Variants in KIF9 observed in about 807,000 individuals in gnomAD.
KIF9 encodes the protein kinesin family member 9.
A neutral mutation model predicts 94.8 loss-of-function variants in KIF9; 68 were observed. That is an observed-to-expected ratio of 0.72 (90% CI 0.59 to 0.88). KIF9 has a LOEUF of 0.88. Ranked by LOEUF, KIF9 falls within the 40% of genes least tolerant of loss-of-function variation. KIF9 has a pLI of 0.00. For missense variants in KIF9, 882 were observed against 982.5 expected (o/e 0.90, Z 1.37); for synonymous variants, 343 against 362.1 (o/e 0.95, Z 0.60).
intron 9 of KIF9, 138 bp from the exon 10 acceptor site, chr3:47,257,698 CA>C: frequency 1.5e-6 from 1 of 686,330 alleles, no homozygotes; most frequent in Non-Finnish European, 2.5e-6. Flanking sequence ...TCCCTTCCCC[CA>C]GAGGACATTG....
At chr3:47,233,361 C>CAA (rs966425803) in intron 20 of KIF9, among the ~76,000 whole-genome samples, 124 of 25,498 alleles carry the variant, frequency 4.9e-3, no homozygotes, top group Non-Finnish European at 6.6e-3. Flanking sequence ...GACTCTGTCT[C>CAA]AAAAAAAAAA....
intron 10 of KIF9, chr3:47,250,557 G>A: frequency 2.0e-6 from 1 of 490,954 alleles, no homozygotes; most frequent in South Asian, 1.5e-5. Flanking sequence ...TCGTAACAAG[G>A]TTCAAGGGTG....
At chr3:47,270,075 T>C (rs1226814490) in intron 5 of KIF9, among the ~76,000 whole-genome samples, 1 of 151,586 alleles carries the variant, frequency 6.6e-6, no homozygotes, top group African/African-American at 2.4e-5. Flanking sequence ...GCCTAATTTT[T>C]GTATTGTTAG....
chr3:47,277,438 G>A (rs1702053783), intron 1 of KIF9, 59 bp from the exon 2 acceptor site: 3 of 1,119,784 alleles, frequency 2.7e-6, no homozygotes, highest in Non-Finnish European at 4.1e-6. Flanking sequence ...AAGTAGAGGA[G>A]AGGGGTCATT....
intron 4 of KIF9, 67 bp from the exon 5 acceptor site, chr3:47,271,528 C>T (rs1016732344): frequency 1.4e-5 from 16 of 1,119,598 alleles, no homozygotes; most frequent in Non-Finnish European, 2.0e-5. Context: ...ATAAGGGGGG[C>T]TTCCTAACTC....
intron 10 of KIF9, among the ~76,000 whole-genome samples, chr3:47,256,342 G>T (rs1188941835): frequency 7.9e-6 from 1 of 127,076 alleles, no homozygotes; most frequent in Non-Finnish European, 1.8e-5. Context: ...CGCCCCATCT[G>T]AGAAGTGAGG....
intron 20 of KIF9, among the ~76,000 whole-genome samples, chr3:47,234,109 G>A (rs1698829200): frequency 6.6e-6 from 1 of 152,074 alleles, no homozygotes; most frequent in African/African-American, 2.4e-5. Context: ...AAGAAAGAGA[G>A]AAAACTGAGG....
At chr3:47,275,206 T>A in intron 3 of KIF9, 119 bp downstream of exon 3, 2 of 796,168 alleles carry the variant, frequency 2.5e-6, no homozygotes, top group Non-Finnish European at 3.9e-6. Flanking sequence ...CGTAAGAACA[T>A]GGAGACAGAC....
At chr3:47,271,823 A>G (rs1701665368) in intron 4 of KIF9, among the ~76,000 whole-genome samples, 1 of 152,112 alleles carries the variant, frequency 6.6e-6, no homozygotes, top group Non-Finnish European at 1.5e-5. Context: ...AGGCACTACA[A>G]AATAAAATTA....
At chr3:47,248,351 C>G (rs962294694) in intron 10 of KIF9, 3 of 458,260 alleles carry the variant, frequency 6.5e-6, no homozygotes, top group East Asian at 3.9e-5. Context: ...ACAAGCCACA[C>G]AGCCACCTCA....
intron 9 of KIF9, 144 bp downstream of exon 9, chr3:47,264,142 T>C: frequency 1.5e-6 from 1 of 673,078 alleles, no homozygotes; most frequent in Non-Finnish European, 2.7e-6. Flanking sequence ...CCTCAGCAAC[T>C]GTGGCTCAGA....
At chr3:47,255,951 G>C (rs183293481) in intron 10 of KIF9, among the ~76,000 whole-genome samples, 1 of 152,202 alleles carries the variant, frequency 6.6e-6, no homozygotes, top group Non-Finnish European at 1.5e-5. Context: ...TGGTGGAGAC[G>C]GGGTTTCGCT....
At chr3:47,280,145 A>G (rs1444198513) in intron 1 of KIF9, among the ~76,000 whole-genome samples, 2 of 151,902 alleles carry the variant, frequency 1.3e-5, no homozygotes, top group Admixed American at 1.3e-4. Context: ...TTTTGTAGAG[A>G]TGGGGTTTCA....
chr3:47,255,689 T>G (rs1700528337), intron 10 of KIF9, among the ~76,000 whole-genome samples: 1 of 152,066 alleles, frequency 6.6e-6, no homozygotes, highest in African/African-American at 2.4e-5. Flanking sequence ...GATGCCCTTT[T>G]TCTTTTCTTT....
At chr3:47,267,397 CCT>C (rs1368675871) in intron 5 of KIF9, 134 bp from the exon 6 acceptor site, 5 of 699,876 alleles carry the variant, frequency 7.1e-6, no homozygotes, top group African/African-American at 1.8e-5. Context: ...TCCAGGCAAA[CCT>C]CTTTTATAAA....
chr3:47,254,417 C>G (rs1700446536), intron 10 of KIF9, among the ~76,000 whole-genome samples: 1 of 152,168 alleles, frequency 6.6e-6, no homozygotes, highest in Non-Finnish European at 1.5e-5. Flanking sequence ...GAGATCGCAC[C>G]ACTGCACTCC....
At chr3:47,238,661 T>A (rs956098022) in intron 17 of KIF9, 2 of 152,070 alleles carry the variant, frequency 1.3e-5, no homozygotes, top group African/African-American at 2.4e-5. Flanking sequence ...ACTGATAAAT[T>A]TTTTTTGTTT....
intron 10 of KIF9, chr3:47,250,513 T>C (rs539391099): frequency 6.1e-5 from 27 of 439,252 alleles, no homozygotes; most frequent in African/African-American, 5.0e-4. Flanking sequence ...AAATGATACT[T>C]TTTTTTTCAG....
chr3:47,270,263 T>C (rs963860473), intron 5 of KIF9, among the ~76,000 whole-genome samples: 6 of 151,666 alleles, frequency 4.0e-5, no homozygotes, highest in Non-Finnish European at 7.4e-5. Flanking sequence ...CTTTTCTTTT[T>C]TTTTTTTGAG....
Sources: allele counts gnomAD v4.1 joint callset (sites outside exome capture counted in the v4.1 genomes callset), GRCh38; gene constraint gnomAD v4.1.1; transcripts MANE v1.5; gene names NCBI Gene and HGNC (gene_info 2026-07-23, HGNC 2026-07-21).